The following HELLS variants were observed in gnomAD, a reference collection of about 807,000 sequenced individuals.
The protein encoded by HELLS is helicase, lymphoid specific, also known as lymphoid-specific helicase.
A neutral mutation model predicts 120.0 loss-of-function variants in HELLS; 32 were observed. The observed-to-expected ratio is 0.27, with a 90% CI of 0.20 to 0.36. The LOEUF (loss-of-function observed/expected upper bound fraction) is 0.36, where lower values mean the gene tolerates loss of function less well. HELLS is among the 10% of genes least tolerant of loss of function. The probability of loss-of-function intolerance (pLI) is 1.00; values close to 1 mark genes in which losing one functional copy is unlikely to be tolerated. For synonymous variants in HELLS, 341 were observed against 323.4 expected, an observed-to-expected ratio of 1.05 and a Z score of -0.58; for missense variants, 650 against 993.4, an observed-to-expected ratio of 0.65 and a Z score of 4.65.
At chr10:94,571,838 C>T (rs1049776223) in intron 7 of HELLS, among the ~76,000 whole-genome samples, 4 of 152,112 alleles carry the variant, frequency 2.6e-5, no homozygotes, top group African/African-American at 7.2e-5. Context: ...GCTTGATTTC[C>T]GAGCCACCTC....
chr10:94,574,891 T>A (rs1413051216), intron 9 of HELLS, among the ~76,000 whole-genome samples, 155 bp downstream of exon 9: 2 of 152,152 alleles, frequency 1.3e-5, no homozygotes, highest in Admixed American at 1.3e-4. Flanking sequence ...AATACCCTAA[T>A]TTAAATTTAT....
chr10:94,552,916 C>T (rs1345579248), intron 2 of HELLS, among the ~76,000 whole-genome samples: 1 of 152,076 alleles, frequency 6.6e-6, no homozygotes, highest in Non-Finnish European at 1.5e-5. Flanking sequence ...GATTTGGAGG[C>T]TGCAGTAAGC....
chr10:94,598,594 T>C (rs959614640), intron 21 of HELLS, among the ~76,000 whole-genome samples: 17 of 146,440 alleles, frequency 1.2e-4, no homozygotes, highest in Non-Finnish European at 1.6e-4. Context: ...AAATAAAATA[T>C]ATTGGTTGGA....
At chr10:94,553,552 AT>A (rs397844496) in intron 2 of HELLS, among the ~76,000 whole-genome samples, 24,361 of 122,236 alleles carry the variant, frequency 0.2, 2,275 homozygotes, top group South Asian at 0.35. Flanking sequence ...CCTGGCCCCA[AT>A]TTTTTTTTTT....
chr10:94,585,406 GT>G (rs1383880733), intron 12 of HELLS, among the ~76,000 whole-genome samples: 8,795 of 115,728 alleles, frequency 0.076, 264 homozygotes, highest in African/African-American at 0.16. Flanking sequence ...TGTTTTTTTG[GT>G]TTTTTTTTTT....
In HELLS at chr10:94,601,677, T is replaced by G. The variant is rs2134139386; in HGVS notation, c.*55T>G. The G allele has an allele frequency of 1.1e-6, 1 of 923,584 alleles. No individual in the cohort carries two copies. Among genetic ancestry groups the G allele is most frequent in the Non-Finnish European group, 1.7e-6 (1 of 587,048 alleles). The allele number at this position is 923,584 out of a possible 1,614,324, so 57.2% of individuals were successfully genotyped here. ...TCTTATTTACATCTAGTGATTTCCC[T>G]GTATTGGGTTTGAAATACTGATTGT... On this transcript the variant is annotated 3_prime_UTR_variant, in exon 22 of 22. Coordinates refer to ENST00000348459, the MANE Select transcript of HELLS (RefSeq NM_018063.5).
intron 2 of HELLS, among the ~76,000 whole-genome samples, chr10:94,553,406 G>A (rs900681686): frequency 6.6e-6 from 1 of 151,630 alleles, no homozygotes; most frequent in Non-Finnish European, 1.5e-5. Context: ...GCGCCACCAC[G>A]TCCTGCTAAT....
chr10:94,581,845 A>G (rs1844885388), intron 11 of HELLS, among the ~76,000 whole-genome samples: 1 of 152,196 alleles, frequency 6.6e-6, no homozygotes, highest in Non-Finnish European at 1.5e-5. Flanking sequence ...AACCAGGGAC[A>G]ATAGAGTTGT....
At chr10:94,550,206 C>T (rs1397180439) in intron 2 of HELLS, among the ~76,000 whole-genome samples, 2 of 152,158 alleles carry the variant, frequency 1.3e-5, no homozygotes, top group East Asian at 1.9e-4. Flanking sequence ...AGGCATTAGC[C>T]ACCATGCCCA....
chr10:94,563,842 C>A (rs1345235894), intron 6 of HELLS, among the ~76,000 whole-genome samples: 2 of 138,348 alleles, frequency 1.4e-5, no homozygotes, highest in Non-Finnish European at 3.1e-5. Flanking sequence ...CGGAGATTTA[C>A]CCTTGCTGCC....
chr10:94,553,699 C>T (rs1843099531), intron 2 of HELLS, among the ~76,000 whole-genome samples: 1 of 151,830 alleles, frequency 6.6e-6, no homozygotes, highest in African/African-American at 2.4e-5. Context: ...CAGGCATGCA[C>T]CACCACGCCT....
At position 94,601,685 on chromosome 10, in the gene HELLS, G is replaced by T; in HGVS notation, c.*63G>T. The stretch of plus-strand genomic sequence containing the variant: ...ACATCTAGTGATTTCCCTGTATTGG[G>T]TTTGAAATACTGATTGTCCACTTCA... On this transcript the variant is annotated 3_prime_UTR_variant, in exon 22 of 22. Coordinates refer to ENST00000348459, the MANE Select transcript of HELLS (RefSeq NM_018063.5). 2.4e-6 allele frequency: 2 copies of T among 833,804 alleles called. No homozygotes were observed. The highest frequency in any genetic ancestry group is 1.9e-6 in the Non-Finnish European group (1 of 513,844). 51.7% of individuals were successfully genotyped at this position (833,804 alleles called of 1,614,324 possible).
chr10:94,552,820 A>G (rs1565014950), intron 2 of HELLS, among the ~76,000 whole-genome samples: 1 of 149,848 alleles, frequency 6.7e-6, no homozygotes, highest in East Asian at 2.0e-4. Flanking sequence ...AAAAAAAAAA[A>G]TACAAAAAAT....
At chr10:94,586,926 C>A (rs187978451) in intron 12 of HELLS, among the ~76,000 whole-genome samples, 1 of 152,064 alleles carries the variant, frequency 6.6e-6, no homozygotes, top group Admixed American at 6.6e-5. Context: ...AACTTCTGAC[C>A]TCAGGTGATC....
At chr10:94,610,510 A>G (rs2134146505) in exon 10 of HELLS, 1 of 152,298 alleles carries the variant, frequency 6.6e-6, no homozygotes, top group East Asian at 1.9e-4. Flanking sequence ...TGCATTATAG[A>G]GCAAATAAGA....
At chr10:94,609,424 T>G (rs754634092) in intron 9 of HELLS, among the ~76,000 whole-genome samples, 1 of 152,180 alleles carries the variant, frequency 6.6e-6, no homozygotes, top group African/African-American at 2.4e-5. Context: ...ATAATCCGTA[T>G]TACCATGGAT....
At chr10:94,602,436 TAA>T (rs1338717528), downstream of HELLS, among the ~76,000 whole-genome samples, 2 of 152,116 alleles carry the variant, frequency 1.3e-5, no homozygotes, top group Non-Finnish European at 2.9e-5. Flanking sequence ...TAGAACAGCA[TAA>T]AGGCCAAAAG....
chr10:94,602,243 TTG>T (rs1397523542), downstream of HELLS: 1 of 152,156 alleles, frequency 6.6e-6, no homozygotes, highest in Non-Finnish European at 1.5e-5. Flanking sequence ...CAAGTGGACA[TTG>T]TGTTAGCACA....
intron 11 of HELLS, 89 bp from the exon 12 acceptor site, chr10:94,582,874 T>C (rs1389365428): frequency 7.4e-6 from 5 of 671,782 alleles, no homozygotes; most frequent in African/African-American, 1.9e-5. Context: ...CGTTTCATTA[T>C]CAGATTATTA....
Sources: gnomAD v4.1 joint callset for allele counts (sites outside exome capture counted in the v4.1 genomes callset) on GRCh38, gnomAD v4.1.1 for gene constraint, MANE v1.5 for transcripts, NCBI Gene and HGNC (gene_info 2026-07-23, HGNC 2026-07-21) for gene names.